Variants in SOX6 observed in about 807,000 individuals in gnomAD.
SOX6 encodes transcription factor SOX-6.
Under a neutral mutation model 97.8 loss-of-function variants are expected in SOX6, and 11 were observed. That is an observed-to-expected ratio of 0.11 (90% CI 0.07 to 0.19). The LOEUF is 0.19. Ranked by LOEUF, SOX6 falls within the 10% of genes least tolerant of loss-of-function variation. The pLI is 1.00. For synonymous variants in SOX6, 360 were observed against 371.4 expected (o/e 0.97, Z 0.35); for missense variants, 810 against 1,039.5 (o/e 0.78, Z 3.04).
At chr11:16,471,771 C>T (rs1860146405) in intron 1 of SOX6, among the ~76,000 whole-genome samples, 1 of 152,134 alleles carries the variant, frequency 6.6e-6, no homozygotes, top group African/African-American at 2.4e-5. Context: ...ATTTCTTTAA[C>T]CAAAAGGTTC....
At chr11:16,248,879 T>C (rs1393883068) in intron 3 of SOX6, among the ~76,000 whole-genome samples, 1 of 152,066 alleles carries the variant, frequency 6.6e-6, no homozygotes, top group African/African-American at 2.4e-5. Context: ...AGGCAGATTA[T>C]GAGGTCAGGA....
chr11:16,508,581 A>G (rs566150836), intron 4 of SOX6, among the ~76,000 whole-genome samples: 1 of 152,216 alleles, frequency 6.6e-6, no homozygotes, highest in African/African-American at 2.4e-5. Flanking sequence ...AGCCAGGCAC[A>G]GAAAGAAAAA....
intron 9 of SOX6, among the ~76,000 whole-genome samples, chr11:16,088,841 C>A (rs754673646): frequency 4.6e-5 from 7 of 152,150 alleles, no homozygotes; most frequent in Non-Finnish European, 7.4e-5. Flanking sequence ...TGTAGGCTTG[C>A]ACTTTGTATA....
chr11:16,721,045 G>A lies in SOX6; in HGVS notation n.354-6140C>T, dbSNP rs77985399. ...TGGCCAACTTTGGGTAAGTAGTGGG[G>A]TACATTTTACCCAGGTGAAGGACGC... On this transcript the variant is annotated intron_variant and non_coding_transcript_variant, in intron 2 of 5. Coordinates refer to the SOX6 transcript ENST00000524520. Among the ~76,000 whole-genome samples, 999 of 152,254 alleles carry A rather than the reference G, an allele frequency of 6.6e-3. 22 individuals are homozygous for A. Among genetic ancestry groups the A allele is most frequent in the East Asian group, 0.052 (271 of 5,182 alleles).
chr11:16,507,213 G>T (rs1162334569), intron 4 of SOX6, among the ~76,000 whole-genome samples: 3 of 152,026 alleles, frequency 2.0e-5, no homozygotes, highest in African/African-American at 4.8e-5. Context: ...AGCCTCCCCA[G>T]AAGCAGAAGC....
intron 3 of SOX6, chr11:16,314,858 A>G (rs1050242651): frequency 2.6e-5 from 4 of 152,164 alleles, no homozygotes; most frequent in African/African-American, 7.2e-5. Context: ...GGCCCTCTAT[A>G]AGATCTTGTT....
In SOX6 at chr11:16,484,469, A is replaced by G. The variant is rs1860397556; in HGVS notation, n.610-8081T>C. 9.9e-6 allele frequency: 8 copies of G among 807,600 alleles called. No individual in the cohort carries two copies. The East Asian group carries it at 1.9e-4, about 20-fold the overall frequency. 50.0% of individuals were successfully genotyped at this position (807,600 alleles called of 1,614,324 possible). ...GACAATGAAGAGCTCCTCGCACTTC[A>G]CCACCTGCTCCCTGAGCTTCTCCTG... On this transcript the variant is annotated intron_variant and non_coding_transcript_variant, in intron 4 of 5. Transcript: ENST00000524520.
At chr11:16,014,795 C>T (rs1029660600) in intron 13 of SOX6, 147 bp downstream of exon 13, 18 of 734,470 alleles carry the variant, frequency 2.5e-5, no homozygotes, top group Admixed American at 4.2e-5. Flanking sequence ...TACATACATA[C>T]GTAGTTGAAG....
chr11:16,318,230 T>G lies in SOX6; in HGVS notation c.445+216A>C, dbSNP rs1449514483. 1.0e-5 allele frequency: 6 copies of G among 578,974 alleles called. No individual in the cohort carries two copies. The East Asian group carries it at 1.8e-4, about 18-fold the overall frequency. 35.9% of individuals were successfully genotyped at this position (578,974 alleles called of 1,614,324 possible). A position where few individuals can be genotyped will look rare whatever the true frequency, so the allele number is the denominator to read the frequency against. ...CTAATTTGTTATCTTAAGAACCAAATAAAATGCACAAAGTTTTAGAAAAAC... is the reference window on the plus strand; with the variant it reads ...CTAATTTGTTATCTTAAGAACCAAAGAAAATGCACAAAGTTTTAGAAAAAC... On this transcript the variant is annotated intron_variant, in intron 3 of 15. Transcript: ENST00000683767.
intron 4 of SOX6, among the ~76,000 whole-genome samples, chr11:16,510,517 A>C (rs1214463934): frequency 6.6e-6 from 1 of 152,078 alleles, no homozygotes; most frequent in African/African-American, 2.4e-5. Context: ...CTTAGTATAG[A>C]GTCTTCAATA....
chr11:16,526,764 G>A (rs374225057), intron 4 of SOX6, among the ~76,000 whole-genome samples: 11 of 151,960 alleles, frequency 7.2e-5, no homozygotes, highest in African/African-American at 2.7e-4. Flanking sequence ...CTTAAAATAA[G>A]ACCCAGATAT....
At chr11:16,572,151 C>A (rs1435505267) in intron 4 of SOX6, among the ~76,000 whole-genome samples, 7 of 130,500 alleles carry the variant, frequency 5.4e-5, no homozygotes, top group Admixed American at 7.7e-5. Flanking sequence ...TGCTTATAAT[C>A]AAAAAAAAAT....
chr11:16,223,962 C>T (rs1270501150), intron 4 of SOX6, among the ~76,000 whole-genome samples: 1 of 152,006 alleles, frequency 6.6e-6, no homozygotes, highest in East Asian at 1.9e-4. Flanking sequence ...TAGACTAATA[C>T]ATATTTAATA....
chr11:16,312,927 TA>T (rs1855649246), intron 3 of SOX6: 1 of 152,176 alleles, frequency 6.6e-6, no homozygotes, highest in Non-Finnish European at 1.5e-5. Flanking sequence ...ACCAATGTTT[TA>T]AAAGGTGGTT....
At chr11:16,293,567 C>G (rs1038728179) in intron 3 of SOX6, among the ~76,000 whole-genome samples, 1 of 152,098 alleles carries the variant, frequency 6.6e-6, no homozygotes, top group Non-Finnish European at 1.5e-5. Context: ...CAACAAATCA[C>G]CTTCCCATCT....
chr11:16,503,065 T>C (rs1335104345), intron 4 of SOX6, among the ~76,000 whole-genome samples: 1 of 151,904 alleles, frequency 6.6e-6, no homozygotes, highest in Admixed American at 6.6e-5. Context: ...ATATTCAAAA[T>C]GTTAAGAGAA....
At chr11:16,246,301 AATTAAATGTCATAT>A (rs1244731678) in intron 3 of SOX6, among the ~76,000 whole-genome samples, 1 of 151,710 alleles carries the variant, frequency 6.6e-6, no homozygotes, top group Non-Finnish European at 1.5e-5. Flanking sequence ...AATCATTAGA[AATTAAATGTCATAT>A]ATTTGCCTCC....
At chr11:16,709,379 A>G (rs1590059985) in intron 3 of SOX6, among the ~76,000 whole-genome samples, 1 of 152,246 alleles carries the variant, frequency 6.6e-6, no homozygotes, top group East Asian at 1.9e-4. Flanking sequence ...TTAGCTGGGC[A>G]TGGCCACAAG....
intron 4 of SOX6, among the ~76,000 whole-genome samples, chr11:16,600,336 G>GT (rs1459077454): frequency 6.6e-6 from 1 of 152,172 alleles, no homozygotes; most frequent in Non-Finnish European, 1.5e-5. Flanking sequence ...GTGCTTAGAA[G>GT]TTTTTTACTA....
Sources: allele counts gnomAD v4.1 joint callset (sites outside exome capture counted in the v4.1 genomes callset), GRCh38; gene constraint gnomAD v4.1.1; transcripts MANE v1.5; gene names NCBI Gene and HGNC (gene_info 2026-07-23, HGNC 2026-07-21).